The following USP9X variants were observed in gnomAD, a reference collection of about 807,000 sequenced individuals.
USP9X encodes the protein ubiquitin carboxyl-terminal hydrolase 9X.
Under a neutral mutation model 190.3 loss-of-function variants are expected in USP9X, and 7 were observed. The observed-to-expected ratio is 0.04, with a 90% CI of 0.02 to 0.07. USP9X has a LOEUF of 0.07. Among genes scored for constraint, USP9X ranks in the 10% least tolerant of loss-of-function variants. The probability of loss-of-function intolerance (pLI) is 1.00; values close to 1 mark genes in which losing one functional copy is unlikely to be tolerated. For missense variants in USP9X, 1,010 were observed against 1,916.9 expected (o/e 0.53, Z 8.83); for synonymous variants, 645 against 659.5 (o/e 0.98, Z 0.34).
At chrX:41,095,043 C>CAAAA (rs35922180) in intron 1 of USP9X, among the ~76,000 whole-genome samples, 1 of 70,813 alleles carries the variant, frequency 1.4e-5, no homozygotes, top group African/African-American at 5.1e-5. Flanking sequence ...GACTCCGTCT[C>CAAAA]AAAAAAAAAA....
chrX:41,205,056 A>G (rs914597001), intron 31 of USP9X: 1 of 249,942 alleles, frequency 4.0e-6, no homozygotes, highest in East Asian at 6.9e-5. Context: ...AGTTCAGTCT[A>G]AATTACTATG....
At chrX:41,176,833 ATAGAAACGTGCT>A (rs2062778897) in intron 21 of USP9X, among the ~76,000 whole-genome samples, 1 of 112,479 alleles carries the variant, frequency 8.9e-6, no homozygotes, top group Non-Finnish European at 1.9e-5. Context: ...AATTGGGGTT[ATAGAAACGTGCT>A]ATAGCATAAC....
At chrX:41,139,448 G>C (rs983460516) in intron 6 of USP9X, among the ~76,000 whole-genome samples, 57 of 112,294 alleles carry the variant, frequency 5.1e-4, no homozygotes, top group African/African-American at 1.7e-3. Flanking sequence ...ATCACCTGAA[G>C]TCAGGAGTTC....
In USP9X at chrX:41,142,153, T is replaced by C. The variant is rs150164869; in HGVS notation, c.1161+722T>C. Among the ~76,000 whole-genome samples, 55 of 110,799 alleles carry C rather than the reference T, an allele frequency of 5.0e-4. No individual in the cohort carries two copies. The East Asian group carries it at 0.015, about 30-fold the overall frequency. On this transcript the variant is annotated intron_variant, in intron 9 of 44. Transcript: ENST00000378308. Reference sequence around the variant, plus strand: ...TTAGATATTGCCCTGTGTTAGGGGGTCAGGTGGTAGACATCTGGTTTCATA... The same window carrying C: ...TTAGATATTGCCCTGTGTTAGGGGGCCAGGTGGTAGACATCTGGTTTCATA...
At chrX:41,101,626 A>G (rs1296387071) in intron 1 of USP9X, among the ~76,000 whole-genome samples, 1 of 110,663 alleles carries the variant, frequency 9.0e-6, no homozygotes, top group Non-Finnish European at 1.9e-5. Context: ...CAAAGATCGC[A>G]CTACTGCACT....
chrX:41,213,034 C>G (rs1041452846), intron 33 of USP9X, among the ~76,000 whole-genome samples: 3 of 111,985 alleles, frequency 2.7e-5, no homozygotes, highest in Non-Finnish European at 5.6e-5. Flanking sequence ...AGACAATTTT[C>G]TAAATTATTT....
rs200849772 is a variant in USP9X, at chrX:41,144,472, C to T, written c.1315-50C>T. ...CAGCAAGCAGTATACACTACTTAAT[C>T]TATTACTCAGATTCTTGTGCATTGT... On this transcript the variant is annotated intron_variant, in intron 10 of 44. Transcript: ENST00000378308. 9 of 997,370 alleles carry T rather than the reference C, an allele frequency of 9.0e-6. No homozygotes were observed. In the East Asian group the frequency reaches 2.8e-4, roughly 31 times the overall value. 82.2% of individuals were successfully genotyped at this position (997,370 alleles called of 1,213,427 possible).
chrX:41,209,941 C>T (rs1439824247), intron 32 of USP9X, among the ~76,000 whole-genome samples: 2 of 111,542 alleles, frequency 1.8e-5, no homozygotes, highest in Non-Finnish European at 3.8e-5. Context: ...AGTATGAGTT[C>T]TCATTTTTGT....
At chrX:41,112,096 T>G (rs2062113962) in intron 1 of USP9X, among the ~76,000 whole-genome samples, 1 of 112,134 alleles carries the variant, frequency 8.9e-6, no homozygotes, top group African/African-American at 3.2e-5. Context: ...CTGCCTGCCT[T>G]GGCCTCCCAA....
intron 1 of USP9X, among the ~76,000 whole-genome samples, chrX:41,101,235 T>G (rs2062031609): frequency 9.0e-6 from 1 of 110,716 alleles, no homozygotes; most frequent in African/African-American, 3.3e-5. Context: ...CCTTCCGGTG[T>G]TAATTTGAGT....
intron 1 of USP9X, among the ~76,000 whole-genome samples, chrX:41,103,852 A>G (rs926459973): frequency 1.8e-5 from 2 of 111,597 alleles, no homozygotes; most frequent in African/African-American, 6.5e-5. Flanking sequence ...TTACTAGGTT[A>G]TTTCTCTATT....
rs1020591978 is a variant in USP9X, at chrX:41,168,097, A to G, written c.2515A>G (p.Ser839Gly). The G allele has an allele frequency of 6.6e-6, 8 of 1,210,025 alleles. No homozygotes were observed. Among genetic ancestry groups the G allele is most frequent in the Non-Finnish European group, 7.8e-6 (7 of 895,092 alleles). ...GTGTGTTTTGGATGGTGACAAAGAC[A>G]GTGTTAATTGTGCAAGACAGGAAGC... ...TLCVLDGDKD[S>G]VNCARQEAVR... The change falls in exon 18 of 45, where the codon AGT becomes GGT. Residue 839 changes from serine (S) to glycine (G), a missense_variant. Ser to Gly is a moderately conservative substitution (Grantham distance 56). This residue lies in a region of USP9X where 104 missense variants were observed against 239.8 expected (regional missense o/e 0.43). Coordinates refer to ENST00000378308, the MANE Select transcript of USP9X (RefSeq NM_001039591.3).
chrX:41,128,101 T>G (rs988716493), intron 2 of USP9X, among the ~76,000 whole-genome samples: 10 of 112,100 alleles, frequency 8.9e-5, no homozygotes, highest in Non-Finnish European at 1.9e-4. Flanking sequence ...TGATGTTACT[T>G]ATTTAAGAAC....
intron 33 of USP9X, among the ~76,000 whole-genome samples, chrX:41,214,010 A>G (rs1232700299): frequency 8.9e-6 from 1 of 112,338 alleles, no homozygotes; most frequent in African/African-American, 3.2e-5. Context: ...GAAATTGGAA[A>G]GTCTCTTTGG....
chrX:41,128,347 T>C (rs939347996), intron 2 of USP9X, among the ~76,000 whole-genome samples: 17 of 111,931 alleles, frequency 1.5e-4, no homozygotes, highest in African/African-American at 5.5e-4. Context: ...TATTTAGACT[T>C]TGATAGAAAT....
chrX:41,141,175 C>T lies in USP9X; in HGVS notation c.980C>T (p.Thr327Ile), dbSNP rs1390030550. Residue 327 changes from threonine to isoleucine, a missense_variant, in exon 8 of 45, where the codon ACT becomes ATT. Coordinates refer to ENST00000378308, the MANE Select transcript of USP9X (RefSeq NM_001039591.3). ...LASRVPGQEE[T>I]VKNLEIFRLK... is the part of the protein sequence containing the mutation. ...TCAAGGGTTCCAGGACAAGAAGAAA[C>T]TGTTAAAAACTTAGAAATATTTAGG... is the stretch of plus-strand genomic sequence containing the variant. The T allele has an allele frequency of 8.4e-7, 1 of 1,190,266 alleles. No individual in the cohort carries two copies. Among genetic ancestry groups the T allele is most frequent in the Non-Finnish European group, 1.1e-6 (1 of 886,025 alleles).
intron 24 of USP9X, among the ~76,000 whole-genome samples, chrX:41,187,198 T>C (rs2062888558): frequency 8.9e-6 from 1 of 112,437 alleles, no homozygotes; most frequent in South Asian, 3.6e-4. Flanking sequence ...AATGTTTTCA[T>C]CACTCTTTAT....
chrX:41,151,755 C>T (rs920725526), intron 13 of USP9X, among the ~76,000 whole-genome samples: 4 of 112,390 alleles, frequency 3.6e-5, no homozygotes, highest in Non-Finnish European at 3.8e-5. Context: ...CCGAGGAGGG[C>T]GGATCACCTG....
chrX:41,106,408 G>A (rs2062069053), intron 1 of USP9X, among the ~76,000 whole-genome samples: 1 of 110,478 alleles, frequency 9.1e-6, no homozygotes, highest in Non-Finnish European at 1.9e-5. Context: ...AAAGAAATAT[G>A]CAGTCATACT....
Sources: allele counts gnomAD v4.1 joint callset (sites outside exome capture counted in the v4.1 genomes callset), GRCh38; gene constraint gnomAD v4.1.1; regional missense constraint gnomAD v4.1.1; transcripts MANE v1.5; gene names NCBI Gene and HGNC (gene_info 2026-07-23, HGNC 2026-07-21).